The following ALKBH5 variants were observed in gnomAD, a reference collection of about 807,000 sequenced individuals.
ALKBH5 encodes the protein RNA demethylase ALKBH5.
In ALKBH5, 2 loss-of-function variants were observed where a neutral mutation model predicts 32.1. The ratio of observed to expected loss-of-function variants is 0.06; its 90% confidence interval spans 0.03 to 0.20. The LOEUF (loss-of-function observed/expected upper bound fraction) is 0.20. Ranked by LOEUF, ALKBH5 falls within the 10% of genes least tolerant of loss-of-function variation. The pLI, the probability that ALKBH5 is intolerant of heterozygous loss-of-function variation, is 1.00. For missense variants in ALKBH5, 352 were observed against 559.5 expected (o/e 0.63, Z 3.74); for synonymous variants, 300 against 231.7 (o/e 1.29, Z -2.68).
chr17:18,200,413 C>T (rs949315890), intron 2 of ALKBH5, among the ~76,000 whole-genome samples: 1 of 152,146 alleles, frequency 6.6e-6, no homozygotes, highest in Admixed American at 6.5e-5. Flanking sequence ...GACTTGTATT[C>T]TTGAGATTGG....
At chr17:18,187,366 T>G (rs910953556) in intron 1 of ALKBH5, among the ~76,000 whole-genome samples, 2 of 152,052 alleles carry the variant, frequency 1.3e-5, no homozygotes, top group African/African-American at 2.4e-5. Flanking sequence ...TAGTAGAGAC[T>G]GTGGTTGAGG....
intron 2 of ALKBH5, 153 bp from the exon 3 acceptor site, chr17:18,206,662 T>C (rs2047270422): frequency 7.7e-6 from 6 of 776,600 alleles, no homozygotes; most frequent in Non-Finnish European, 1.1e-5. Flanking sequence ...GACCAATCTC[T>C]AGTTGAACCT....
intron 2 of ALKBH5, among the ~76,000 whole-genome samples, chr17:18,203,428 C>T (rs571488445): frequency 4.1e-4 from 63 of 152,358 alleles, no homozygotes; most frequent in African/African-American, 1.5e-3. Context: ...TTTGTTGTGA[C>T]CTCCCTTGTC....
intron 2 of ALKBH5, among the ~76,000 whole-genome samples, chr17:18,204,896 C>CAA (rs373973808): frequency 6.7e-6 from 1 of 149,812 alleles, no homozygotes; most frequent in African/African-American, 2.5e-5. Flanking sequence ...CCTGTCTCGC[C>CAA]AAAAAAAAAC....
At chr17:18,187,179 C>T (rs952886691) in intron 1 of ALKBH5, among the ~76,000 whole-genome samples, 3 of 152,022 alleles carry the variant, frequency 2.0e-5, no homozygotes, top group African/African-American at 7.2e-5. Context: ...ACATCTTTTC[C>T]ACTTTGGAGT....
chr17:18,193,367 G>A (rs536789081), intron 1 of ALKBH5, among the ~76,000 whole-genome samples: 17 of 152,056 alleles, frequency 1.1e-4, no homozygotes, highest in Admixed American at 9.8e-4. Context: ...CCAACATAGT[G>A]AAACCCCATC....
chr17:18,186,368 G>A (rs943023906), intron 1 of ALKBH5, among the ~76,000 whole-genome samples: 1 of 152,190 alleles, frequency 6.6e-6, no homozygotes, highest in Non-Finnish European at 1.5e-5. Context: ...CACCCTCTCC[G>A]GGTGCTTGCT....
chr17:18,194,613 T>C (rs2047195610), intron 1 of ALKBH5, among the ~76,000 whole-genome samples: 3 of 152,144 alleles, frequency 2.0e-5, no homozygotes, highest in African/African-American at 4.8e-5. Flanking sequence ...ACCTGCTAAA[T>C]GGAGGGAGAA....
chr17:18,184,414 G>A lies in ALKBH5; in HGVS notation c.171G>A (p.Lys57=), dbSNP rs762828500. The A allele has an allele frequency of 6.3e-6, 10 of 1,579,128 alleles. No homozygotes were observed. Among genetic ancestry groups the A allele is most frequent in the African/African-American group, 1.3e-5 (1 of 74,110 alleles). Reference sequence around the variant, plus strand: ...AACCTTACCCTGTGTCCGGGGCCAAGCGCAAGTATCAGGAGGACTCGGACC... The same window carrying A: ...AACCTTACCCTGTGTCCGGGGCCAAACGCAAGTATCAGGAGGACTCGGACC... ...AAEPYPVSGA[K]RKYQEDSDPE... The change falls in exon 1 of 4, where the codon AAG becomes AAA. Residue 57 remains lysine, a synonymous_variant. Coordinates refer to ENST00000399138, the MANE Select transcript of ALKBH5 (RefSeq NM_017758.4).
intron 1 of ALKBH5, among the ~76,000 whole-genome samples, chr17:18,190,928 A>G (rs1417916082): frequency 6.6e-6 from 1 of 152,228 alleles, no homozygotes; most frequent in Non-Finnish European, 1.5e-5. Context: ...GACATTTGCA[A>G]CATATACTGG....
At chr17:18,185,291 C>T (rs1207281366) in intron 1 of ALKBH5, among the ~76,000 whole-genome samples, 1 of 152,024 alleles carries the variant, frequency 6.6e-6, no homozygotes, top group Non-Finnish European at 1.5e-5. Context: ...GAAGGCTGTT[C>T]CCTTTGATTT....
At chr17:18,202,037 G>T (rs988931189) in intron 2 of ALKBH5, among the ~76,000 whole-genome samples, 2 of 152,088 alleles carry the variant, frequency 1.3e-5, no homozygotes, top group African/African-American at 2.4e-5. Flanking sequence ...GCCGGGTGCG[G>T]TGGTTCACGC....
intron 2 of ALKBH5, among the ~76,000 whole-genome samples, chr17:18,202,453 G>C (rs2047247662): frequency 6.6e-6 from 1 of 152,160 alleles, no homozygotes; most frequent in Admixed American, 6.5e-5. Context: ...GTGGGAGTCT[G>C]ATTCTCAAAG....
intron 2 of ALKBH5, among the ~76,000 whole-genome samples, chr17:18,200,111 A>AT (rs2047227576): frequency 3.1e-4 from 34 of 110,504 alleles, no homozygotes; most frequent in African/African-American, 7.9e-4. Flanking sequence ...AAAAAAAAAA[A>AT]ATTTTTTTTT....
chr17:18,187,445 C>T (rs753851330), intron 1 of ALKBH5, among the ~76,000 whole-genome samples: 8 of 152,148 alleles, frequency 5.3e-5, no homozygotes, highest in Non-Finnish European at 1.0e-4. Context: ...GATAATGCTT[C>T]ATTGTTGAGG....
chr17:18,190,472 C>T (rs988727580), intron 1 of ALKBH5, among the ~76,000 whole-genome samples: 4 of 151,466 alleles, frequency 2.6e-5, no homozygotes, highest in Admixed American at 2.6e-4. Context: ...TTGCTTGAAC[C>T]CAGGAGCTAG....
rs1052237710 is a variant in ALKBH5, at chr17:18,202,182, G to A, written c.852-4633G>A. Among the ~76,000 whole-genome samples, 6 of 151,922 alleles carry A rather than the reference G, an allele frequency of 3.9e-5. No individual in the cohort carries two copies. The East Asian group carries it at 5.8e-4, about 15-fold the overall frequency. On this transcript the variant is annotated intron_variant, in intron 2 of 3. Coordinates refer to ENST00000399138, the MANE Select transcript of ALKBH5 (RefSeq NM_017758.4). ...AAATCAGCCGGGCATGGTGGCAGGC[G>A]CCTGTCGTTGCAGCTACTTGGAGGC...
rs1466967345 is a variant in ALKBH5 at position 18,184,777 on chromosome 17, G to T, written c.534G>T (p.Glu178Asp). The stretch of plus-strand genomic sequence containing the variant: ...AGCTGGTGATCCAAAAGCTGGTGGA[G>T]CACCGCGTCATCCCCGAGGGCTTCG... ...VHQLVIQKLV[E>D]HRVIPEGFVN... is the part of the protein sequence containing the mutation. The change falls in exon 1 of 4, where the codon GAG (glutamate) becomes GAT (aspartate). Residue 178 changes from glutamate to aspartate, a missense_variant. Glu to Asp is a conservative substitution (Grantham distance 45). This residue lies in a region of ALKBH5 where 56 missense variants were observed against 238.1 expected (regional missense o/e 0.24). Coordinates refer to ENST00000399138, the MANE Select transcript of ALKBH5 (RefSeq NM_017758.4). 6.2e-7 allele frequency: 1 copy of T among 1,613,804 alleles called. No individual in the cohort carries two copies. The highest frequency in any genetic ancestry group is 1.3e-5 in the African/African-American group (1 of 74,936).
At chr17:18,199,255 TGCCGCAGCA>T (rs2047222151) in intron 2 of ALKBH5, among the ~76,000 whole-genome samples, 2 of 152,212 alleles carry the variant, frequency 1.3e-5, no homozygotes, top group African/African-American at 4.8e-5. Context: ...GAGGGCAAGC[TGCCGCAGCA>T]TGCAAGTCTT....
Sources: gnomAD v4.1 joint callset for allele counts (sites outside exome capture counted in the v4.1 genomes callset) on GRCh38, gnomAD v4.1.1 for gene constraint, gnomAD v4.1.1 regional missense constraint, MANE v1.5 for transcripts, NCBI Gene and HGNC (gene_info 2026-07-23, HGNC 2026-07-21) for gene names.